VPS13A: variants seen among roughly 807,000 people sequenced by gnomAD.
VPS13A encodes the protein intermembrane lipid transfer protein VPS13A.
VPS13A carries 264 observed loss-of-function variants against 390.9 expected under a neutral mutation model. The ratio of observed to expected loss-of-function variants is 0.68; its 90% CI spans 0.61 to 0.75. VPS13A has a LOEUF of 0.75. VPS13A is among the 30% of genes least tolerant of loss of function. The pLI, the probability that VPS13A is intolerant of heterozygous loss-of-function variation, is 0.00. For synonymous variants in VPS13A, 1,231 were observed against 1,227.1 expected, an observed-to-expected ratio of 1.00 and a Z score of -0.07; for missense variants, 3,409 against 3,733.9, an observed-to-expected ratio of 0.91 and a Z score of 2.27.
chr9:77,402,043 A>C (rs139446995), intron 68 of VPS13A, among the ~76,000 whole-genome samples: 1 of 152,312 alleles, frequency 6.6e-6, no homozygotes, highest in African/African-American at 2.4e-5. Context: ...CCCCCTGCAG[A>C]TAAGGGAGAA....
At chr9:77,392,674 T>C (rs891499955) in intron 68 of VPS13A, among the ~76,000 whole-genome samples, 3 of 152,006 alleles carry the variant, frequency 2.0e-5, no homozygotes, top group South Asian at 4.1e-4. Context: ...AAATTATGTT[T>C]ATAATGTAGA....
chr9:77,342,011 A>G (rs1830853204), intron 50 of VPS13A, among the ~76,000 whole-genome samples: 1 of 152,082 alleles, frequency 6.6e-6, no homozygotes, highest in South Asian at 2.1e-4. Context: ...CTGATGTAGG[A>G]TAAGGGACAT....
At chr9:77,245,802 C>T (rs1824771874) in intron 19 of VPS13A, among the ~76,000 whole-genome samples, 1 of 152,174 alleles carries the variant, frequency 6.6e-6, no homozygotes, top group Non-Finnish European at 1.5e-5. Context: ...CTACTGGAGG[C>T]AGCGTAATTT....
intron 35 of VPS13A, among the ~76,000 whole-genome samples, chr9:77,312,566 A>T (rs1248132435): frequency 6.6e-6 from 1 of 151,970 alleles, no homozygotes; most frequent in Non-Finnish European, 1.5e-5. Flanking sequence ...AGCTGGGATT[A>T]CAGGTGCCCG....
chr9:77,403,659 C>T (rs544713292), intron 69 of VPS13A, among the ~76,000 whole-genome samples: 16 of 152,302 alleles, frequency 1.1e-4, no homozygotes, highest in South Asian at 2.1e-4. Flanking sequence ...AGTCAGCAGT[C>T]CTCTGGTAGT....
intron 5 of VPS13A, among the ~76,000 whole-genome samples, chr9:77,207,252 T>TAAAA (rs1554860017): frequency 1.1e-5 from 1 of 87,274 alleles, no homozygotes; most frequent in African/African-American, 4.1e-5. Flanking sequence ...TATATATATA[T>TAAAA]AAAACGTGTT....
At chr9:77,279,639 C>T (rs532781691) in intron 26 of VPS13A, among the ~76,000 whole-genome samples, 1 of 152,144 alleles carries the variant, frequency 6.6e-6, no homozygotes, top group East Asian at 1.9e-4. Context: ...CCCAGTATTT[C>T]CCTGTCTGCT....
At chr9:77,185,766 CAATT>C (rs1291382597) in intron 1 of VPS13A, among the ~76,000 whole-genome samples, 10 of 152,226 alleles carry the variant, frequency 6.6e-5, no homozygotes, top group South Asian at 6.2e-4. Context: ...GCTTCTTAAA[CAATT>C]TATTTAAGTG....
intron 17 of VPS13A, among the ~76,000 whole-genome samples, chr9:77,237,222 G>C (rs1047638641): frequency 3.3e-5 from 5 of 151,988 alleles, no homozygotes; most frequent in Non-Finnish European, 4.4e-5. Flanking sequence ...TCTGTTTGCT[G>C]TATGCCCTTA....
In VPS13A at chr9:77,256,502, G is replaced by C. The variant is rs529674539; in HGVS notation, c.2289-3584G>C. ...GTTCTATATATGTCATTTTAGTCCA[G>C]TTGGTCAATTTTATTGGTCCAGTCC... On this transcript the variant is annotated intron_variant, in intron 22 of 71. Transcript: ENST00000360280. Among the ~76,000 whole-genome samples, 5 of 152,194 alleles carry C rather than the reference G, an allele frequency of 3.3e-5. No individual in the cohort carries two copies. In the South Asian group the frequency reaches 1.0e-3, roughly 32 times the overall value.
chr9:77,215,267 A>G (rs1169915576), intron 10 of VPS13A, among the ~76,000 whole-genome samples: 1 of 152,194 alleles, frequency 6.6e-6, no homozygotes, highest in East Asian at 1.9e-4. Flanking sequence ...TCCTTCCTGA[A>G]AGTATTTCCT....
intron 1 of VPS13A, among the ~76,000 whole-genome samples, chr9:77,188,646 C>T (rs1236404402): frequency 6.6e-6 from 1 of 152,152 alleles, no homozygotes; most frequent in Non-Finnish European, 1.5e-5. Context: ...AATGGGATTG[C>T]TGGTTCTAAT....
intron 46 of VPS13A, among the ~76,000 whole-genome samples, chr9:77,336,329 G>A (rs1324413427): frequency 6.6e-6 from 1 of 151,848 alleles, no homozygotes; most frequent in African/African-American, 2.4e-5. Flanking sequence ...TTCTGCATAT[G>A]TATCCCAGAA....
chr9:77,316,671 A>C (rs1006446768), intron 39 of VPS13A, among the ~76,000 whole-genome samples: 1 of 152,086 alleles, frequency 6.6e-6, no homozygotes, highest in African/African-American at 2.4e-5. Context: ...GTTAAGATCT[A>C]CTTTGACTTT....
chr9:77,400,450 G>A (rs924412060), intron 68 of VPS13A, among the ~76,000 whole-genome samples: 5 of 151,878 alleles, frequency 3.3e-5, no homozygotes, highest in Admixed American at 3.3e-4. Flanking sequence ...TTGCCATTCA[G>A]TAGTGGTTAA....
intron 19 of VPS13A, among the ~76,000 whole-genome samples, chr9:77,243,190 G>C (rs908784211): frequency 3.3e-5 from 5 of 151,812 alleles, no homozygotes; most frequent in Non-Finnish European, 5.9e-5. Flanking sequence ...TGTATTATAG[G>C]TTGAGTATCC....
intron 3 of VPS13A, among the ~76,000 whole-genome samples, chr9:77,204,137 A>T (rs143843304): frequency 1.4e-3 from 209 of 152,346 alleles, no homozygotes; most frequent in Middle Eastern, 6.8e-3. Flanking sequence ...ATAAAATATC[A>T]TGAGATGGAT....
chr9:77,181,430 C>T (rs537083122), intron 1 of VPS13A, among the ~76,000 whole-genome samples: 1 of 148,370 alleles, frequency 6.7e-6, no homozygotes, highest in African/African-American at 2.5e-5. Context: ...GCAGGAGAAT[C>T]ACTTGAAGCT....
chr9:77,337,893 T>G (rs1279342250), intron 47 of VPS13A: 1 of 174,240 alleles, frequency 5.7e-6, no homozygotes, highest in African/African-American at 2.4e-5. Context: ...ATATTTCATT[T>G]GCAGTGCTTA....
Sources: allele counts gnomAD v4.1 joint callset (sites outside exome capture counted in the v4.1 genomes callset), GRCh38; gene constraint gnomAD v4.1.1; transcripts MANE v1.5; gene names NCBI Gene and HGNC (gene_info 2026-07-23, HGNC 2026-07-21).